DHRS3: variants seen among roughly 807,000 people sequenced by gnomAD.
The protein encoded by DHRS3 is short-chain dehydrogenase/reductase 3.
In DHRS3, 14 loss-of-function variants were observed where a neutral mutation model predicts 27.2. The ratio of observed to expected loss-of-function variants is 0.52; its 90% confidence interval spans 0.34 to 0.81. DHRS3 has a LOEUF of 0.81. DHRS3 is among the 30% of genes least tolerant of loss of function. The pLI is 0.01. For missense variants in DHRS3, 322 were observed against 406.2 expected (o/e 0.79, Z 1.78); for synonymous variants, 165 against 175.9 (o/e 0.94, Z 0.49).
chr1:12,592,142 C>T lies in DHRS3; in HGVS notation c.196-11476G>A, dbSNP rs893419373. Reference sequence around the variant, plus strand: ...GCGGGGTGGGACTGTGACAAGCACTCACCGCCACCACAGTGAACAATCTGT... The same window carrying T: ...GCGGGGTGGGACTGTGACAAGCACTTACCGCCACCACAGTGAACAATCTGT... On this transcript the variant is annotated intron_variant, in intron 1 of 5. Transcript: ENST00000616661. The surrounding 1 kb of genome is among the most constrained non-coding windows in gnomAD (Gnocchi z 4.2). Among the ~76,000 whole-genome samples the T allele has an allele frequency of 2.6e-5, 4 of 152,162 alleles. No individual in the cohort carries two copies. The highest frequency in any genetic ancestry group is 1.3e-4 in the Admixed American group (2 of 15,286).
intron 1 of DHRS3, among the ~76,000 whole-genome samples, chr1:12,604,238 C>G (rs765294636): frequency 2.6e-5 from 4 of 152,196 alleles, no homozygotes; most frequent in Non-Finnish European, 5.9e-5. Context: ...TCTCAGGCCA[C>G]GCAGAGCTCA....
intron 3 of DHRS3, 52 bp downstream of exon 3, chr1:12,579,241 G>A: frequency 1.2e-6 from 2 of 1,613,456 alleles, no homozygotes; most frequent in Non-Finnish European, 1.7e-6. Context: ...CCTCCATCCT[G>A]CCTGGGCTCC....
chr1:12,597,369 G>T (rs938601239), intron 1 of DHRS3, among the ~76,000 whole-genome samples: 1 of 152,178 alleles, frequency 6.6e-6, no homozygotes, highest in African/African-American at 2.4e-5. Context: ...GAGCCATGGC[G>T]CCCGGCCTGA....
intron 1 of DHRS3, chr1:12,600,398 T>C (rs1040088229): frequency 1.6e-5 from 16 of 985,318 alleles, no homozygotes; most frequent in Non-Finnish European, 1.8e-5. Context: ...CCGTCTCCTC[T>C]GCTGTGTGCT....
At chr1:12,604,640 A>G (rs1431306436) in intron 1 of DHRS3, among the ~76,000 whole-genome samples, 2 of 152,318 alleles carry the variant, frequency 1.3e-5, no homozygotes, top group Non-Finnish European at 2.9e-5. Context: ...AGGCCAGGCC[A>G]GGCTGAGATT....
At position 12,593,810 on chromosome 1, in the gene DHRS3, T is replaced by C. The variant is rs974837156; in HGVS notation, c.196-13144A>G. On this transcript the variant is annotated intron_variant, in intron 1 of 5. Coordinates refer to ENST00000616661, the MANE Select transcript of DHRS3 (RefSeq NM_004753.7). The surrounding 1 kb of genome is among the most constrained non-coding windows in gnomAD (Gnocchi z 4.6). ...GGTTCTGGGACCACTCAGAAAACTCTCCAGGGAAACGATCACAAAAGCTGA... is the reference window on the plus strand; with the variant it reads ...GGTTCTGGGACCACTCAGAAAACTCCCCAGGGAAACGATCACAAAAGCTGA... Among the ~76,000 whole-genome samples the C allele has an allele frequency of 1.3e-5, 2 of 152,144 alleles. No homozygotes were observed. The highest frequency in any genetic ancestry group is 4.8e-5 in the African/African-American group (2 of 41,416).
chr1:12,617,149 G>T lies in DHRS3; in HGVS notation c.195+5C>A, dbSNP rs1162307405. The T allele has an allele frequency of 1.2e-6, 2 of 1,610,292 alleles. No individual in the cohort carries two copies. Among genetic ancestry groups the T allele is most frequent in the South Asian group, 1.1e-5 (1 of 90,948 alleles). Reference sequence around the variant, plus strand: ...CCCACTCCCTGGAGTCGCAGTGCCTGGTACCTTTCTGGCGCCGCGCTCCGC... The same window carrying T: ...CCCACTCCCTGGAGTCGCAGTGCCTTGTACCTTTCTGGCGCCGCGCTCCGC... On this transcript the variant is annotated splice_donor_5th_base_variant and intron_variant, in intron 1 of 5. Coordinates refer to ENST00000616661, the MANE Select transcript of DHRS3 (RefSeq NM_004753.7).
intron 1 of DHRS3, among the ~76,000 whole-genome samples, chr1:12,589,740 T>C (rs1465548852): frequency 6.6e-6 from 1 of 152,166 alleles, no homozygotes; most frequent in African/African-American, 2.4e-5. Flanking sequence ...TCCCAGCACT[T>C]TGGGAGGCCG....
chr1:12,602,939 G>C (rs1454009138), intron 1 of DHRS3, among the ~76,000 whole-genome samples: 1 of 152,284 alleles, frequency 6.6e-6, no homozygotes, highest in East Asian at 1.9e-4. Flanking sequence ...GGGCTTTGGG[G>C]CTGGGGTTGT....
At chr1:12,572,704 G>A (rs1557511474) in intron 5 of DHRS3, 24 bp downstream of exon 5, 4 of 1,570,138 alleles carry the variant, frequency 2.5e-6, no homozygotes, top group South Asian at 2.3e-5. Flanking sequence ...CCCTGACCCA[G>A]AGTGTTCTTT....
At chr1:12,580,442 A>T (rs1279563948) in intron 2 of DHRS3, 81 bp downstream of exon 2, 2 of 1,597,488 alleles carry the variant, frequency 1.3e-6, no homozygotes, top group South Asian at 2.2e-5. Context: ...GCTCTCTTCC[A>T]GGCCACATGA....
At chr1:12,616,741 C>G (rs1646947070) in intron 1 of DHRS3, 2 of 1,012,808 alleles carry the variant, frequency 2.0e-6, no homozygotes, top group Non-Finnish European at 1.2e-6. Context: ...AAATACGAGG[C>G]GCCAGCTAGC....
At chr1:12,602,035 T>G (rs1357380466) in intron 1 of DHRS3, among the ~76,000 whole-genome samples, 1 of 152,100 alleles carries the variant, frequency 6.6e-6, no homozygotes, top group Non-Finnish European at 1.5e-5. Context: ...ACTTGGTGAG[T>G]GAGAGGGCAT....
At chr1:12,581,793 C>G (rs903653208) in intron 1 of DHRS3, among the ~76,000 whole-genome samples, 1 of 152,130 alleles carries the variant, frequency 6.6e-6, no homozygotes, top group Non-Finnish European at 1.5e-5. Context: ...TTCACCAGCA[C>G]AGAGGGAGAA....
chr1:12,592,477 A>T lies in DHRS3; in HGVS notation c.196-11811T>A, dbSNP rs1646754885. 6.6e-6 allele frequency among the ~76,000 whole-genome samples: 1 copy of T among 152,196 alleles called. No individual in the cohort carries two copies. Among genetic ancestry groups the T allele is most frequent in the Non-Finnish European group, 1.5e-5 (1 of 68,030 alleles). On this transcript the variant is annotated intron_variant, in intron 1 of 5. Transcript: ENST00000616661. The surrounding 1 kb of genome is among the most constrained non-coding windows in gnomAD (Gnocchi z 4.2). ...AGGAAGGCCGCGTGAAGATGGAAGC[A>T]GAGACGGCAGTGAGGCGGCCACAAG...
intron 1 of DHRS3, among the ~76,000 whole-genome samples, chr1:12,582,874 C>CAT (rs587690794): frequency 0.28 from 39,486 of 140,154 alleles, 6,353 homozygotes; most frequent in East Asian, 0.51. Flanking sequence ...TCCATCCATC[C>CAT]CTCCCTCCCT....
intron 1 of DHRS3, among the ~76,000 whole-genome samples, chr1:12,605,358 A>G (rs539493900): frequency 3.9e-5 from 6 of 152,310 alleles, no homozygotes; most frequent in African/African-American, 1.4e-4. Context: ...GTATATTACC[A>G]AGGTCATATA....
chr1:12,581,371 G>A (rs150114085), intron 1 of DHRS3, among the ~76,000 whole-genome samples: 1 of 152,306 alleles, frequency 6.6e-6, no homozygotes, highest in African/African-American at 2.4e-5. Context: ...TAGGTCTAGA[G>A]CCAGGATTAT....
rs150689305 is a variant in DHRS3, at chr1:12,591,505, C to T, written c.196-10839G>A. Reference sequence around the variant, plus strand: ...ACAAGTCCCTGACCGCAACCTGGAGCAGGGCAGAGACTTCCTCCAGGCGGA... The same window carrying T: ...ACAAGTCCCTGACCGCAACCTGGAGTAGGGCAGAGACTTCCTCCAGGCGGA... On this transcript the variant is annotated intron_variant, in intron 1 of 5. Transcript: ENST00000616661. The surrounding 1 kb of genome is among the most constrained non-coding windows in gnomAD (Gnocchi z 4.1). Among the ~76,000 whole-genome samples the T allele has an allele frequency of 1.0e-4, 16 of 152,384 alleles. No individual in the cohort carries two copies. In the East Asian group the frequency reaches 3.1e-3, roughly 29 times the overall value.
Sources: gnomAD v4.1 joint callset for allele counts (sites outside exome capture counted in the v4.1 genomes callset) on GRCh38, gnomAD v4.1.1 for gene constraint, Gnocchi (gnomAD v3.1) non-coding constraint, MANE v1.5 for transcripts, NCBI Gene and HGNC (gene_info 2026-07-23, HGNC 2026-07-21) for gene names.